The following SORCS2 variants were observed in gnomAD, a reference collection of about 807,000 sequenced individuals.
SORCS2 encodes the protein sortilin related VPS10 domain containing receptor 2, also known as VPS10 domain-containing receptor SorCS2.
Under a neutral mutation model 141.6 loss-of-function variants are expected in SORCS2, and 100 were observed. The ratio of observed to expected loss-of-function variants is 0.71; its 90% CI spans 0.60 to 0.83. The LOEUF (loss-of-function observed/expected upper bound fraction) is 0.83. SORCS2 is among the 40% of genes least tolerant of loss of function. SORCS2 has a pLI of 0.00. For missense variants in SORCS2, 1,646 were observed against 1,560.2 expected (o/e 1.05, Z -0.93); for synonymous variants, 789 against 676.9 (o/e 1.17, Z -2.57).
chr4:7,350,492 C>A (rs768368802), intron 1 of SORCS2, among the ~76,000 whole-genome samples: 1 of 152,232 alleles, frequency 6.6e-6, no homozygotes, highest in African/African-American at 2.4e-5. Context: ...CTAGATGGGA[C>A]ACTCCCAAAG....
At chr4:7,632,914 C>T (rs1490837660) in intron 3 of SORCS2, among the ~76,000 whole-genome samples, 1 of 152,064 alleles carries the variant, frequency 6.6e-6, no homozygotes, top group African/African-American at 2.4e-5. Context: ...AGAGGGCTTC[C>T]TGGAAAAGGT....
chr4:7,433,513 A>T (rs771612044), intron 2 of SORCS2: 6 of 1,606,846 alleles, frequency 3.7e-6, no homozygotes, highest in Admixed American at 3.4e-5. Context: ...GGGGTCCATC[A>T]TGTCCTTGAG....
Position 7,661,487 on chromosome 4 carries a change from T to C in SORCS2, c.888-13T>C. On this transcript the variant is annotated splice_polypyrimidine_tract_variant and intron_variant, in intron 5 of 26. Coordinates refer to ENST00000507866, the MANE Select transcript of SORCS2 (RefSeq NM_020777.3). ...CTCCATTCCCGACCCCAGCCTCAGC[T>C]CTTCTTTTCCAGGTCTGTGTCTGGG... The C allele has an allele frequency of 6.4e-7, 1 of 1,551,380 alleles. No individual in the cohort carries two copies. The highest frequency in any genetic ancestry group is 8.7e-7 in the Non-Finnish European group (1 of 1,146,870).
chr4:7,725,386 C>A (rs907631698), intron 20 of SORCS2, 99 bp downstream of exon 20: 11 of 1,473,092 alleles, frequency 7.5e-6, no homozygotes, highest in Non-Finnish European at 1.0e-5. Context: ...GCAGAAGGAA[C>A]CAGTGTAGGG....
rs1577683285 is a variant in SORCS2, at chr4:7,515,513, G to A, written c.549-16017G>A. On this transcript the variant is annotated intron_variant, in intron 2 of 26. Coordinates refer to ENST00000507866, the MANE Select transcript of SORCS2 (RefSeq NM_020777.3). ...CCAGCGCCTGGCACGAGGGCTCAGCGGGCAGCCGGATGGAGGAGGAGGAGC... is the reference window on the plus strand; with the variant it reads ...CCAGCGCCTGGCACGAGGGCTCAGCAGGCAGCCGGATGGAGGAGGAGGAGC... 3.9e-5 allele frequency among the ~76,000 whole-genome samples: 6 copies of A among 152,300 alleles called. No homozygotes were observed. In the South Asian group the frequency reaches 1.2e-3, roughly 32 times the overall value.
chr4:7,737,926 G>A (rs73204737), intron 26 of SORCS2, among the ~76,000 whole-genome samples: 8,146 of 152,242 alleles, frequency 0.054, 233 homozygotes, highest in Middle Eastern at 0.088. Flanking sequence ...CTGGACCATC[G>A]ACCGGGACAC....
intron 2 of SORCS2, among the ~76,000 whole-genome samples, chr4:7,525,543 C>T (rs1360201592): frequency 6.6e-6 from 1 of 152,066 alleles, no homozygotes; most frequent in Non-Finnish European, 1.5e-5. Context: ...CAGTGTCACT[C>T]CATCTTCCAT....
chr4:7,736,486 C>T (rs1712184755), intron 25 of SORCS2, among the ~76,000 whole-genome samples: 1 of 152,198 alleles, frequency 6.6e-6, no homozygotes, highest in African/African-American at 2.4e-5. Flanking sequence ...GACCCTGACC[C>T]TGGGTTTTGA....
intron 2 of SORCS2, among the ~76,000 whole-genome samples, chr4:7,531,212 C>T (rs1711608609): frequency 2.6e-5 from 4 of 152,216 alleles, no homozygotes; most frequent in Admixed American, 2.6e-4. Context: ...ATGTGGTAAC[C>T]TAGAGCTGCC....
chr4:7,474,632 A>T (rs907082484), intron 2 of SORCS2, among the ~76,000 whole-genome samples: 1 of 152,150 alleles, frequency 6.6e-6, no homozygotes, highest in Admixed American at 6.5e-5. Context: ...GTCACCAAGA[A>T]GGTAGCTGGG....
At chr4:7,248,363 A>G (rs2008111) in intron 1 of SORCS2, among the ~76,000 whole-genome samples, 110,359 of 152,108 alleles carry the variant, frequency 0.73, 40,665 homozygotes, top group East Asian at 0.81. Flanking sequence ...GGATTCAGAC[A>G]TTATAATCAC....
chr4:7,650,231 C>T (rs13134699), intron 4 of SORCS2, among the ~76,000 whole-genome samples: 55,909 of 152,096 alleles, frequency 0.37, 12,046 homozygotes, highest in East Asian at 0.58. Context: ...TCCGTCTGCA[C>T]GAGGTATTGT....
At chr4:7,315,022 AG>A (rs1271217111) in intron 1 of SORCS2, among the ~76,000 whole-genome samples, 1 of 151,932 alleles carries the variant, frequency 6.6e-6, no homozygotes, top group Admixed American at 6.6e-5. Flanking sequence ...TAGTAGAGAC[AG>A]GGTTTCATTA....
chr4:7,610,475 T>C (rs1171160850), intron 3 of SORCS2, among the ~76,000 whole-genome samples: 1 of 152,152 alleles, frequency 6.6e-6, no homozygotes, highest in Non-Finnish European at 1.5e-5. Flanking sequence ...CCCGGGTTCA[T>C]TGCATGGCAC....
intron 2 of SORCS2, among the ~76,000 whole-genome samples, chr4:7,521,179 G>A (rs1733306711): frequency 6.6e-6 from 1 of 152,134 alleles, no homozygotes; most frequent in Admixed American, 6.5e-5. Flanking sequence ...AGAGCATGGT[G>A]GGCAATGATC....
chr4:7,326,238 G>A (rs914243832), intron 1 of SORCS2, among the ~76,000 whole-genome samples: 3 of 152,230 alleles, frequency 2.0e-5, no homozygotes, highest in South Asian at 4.1e-4. Context: ...CTGTCCTGCT[G>A]GCAGGAGGGT....
At chr4:7,326,561 T>C (rs1322854125) in intron 1 of SORCS2, among the ~76,000 whole-genome samples, 1 of 152,102 alleles carries the variant, frequency 6.6e-6, no homozygotes, top group African/African-American at 2.4e-5. Context: ...GAACTGAACA[T>C]TGGGGAATCT....
intron 1 of SORCS2, among the ~76,000 whole-genome samples, chr4:7,204,506 C>T (rs1172012501): frequency 6.6e-6 from 1 of 152,184 alleles, no homozygotes; most frequent in Non-Finnish European, 1.5e-5. Context: ...GCGTGAGCCA[C>T]CATGCCTGGC....
At chr4:7,414,985 G>A (rs1001097874) in intron 2 of SORCS2, among the ~76,000 whole-genome samples, 2 of 152,156 alleles carry the variant, frequency 1.3e-5, no homozygotes, top group African/African-American at 4.8e-5. Flanking sequence ...AGTTTGTCCG[G>A]CTTTCCTAGC....
Sources: gnomAD v4.1 joint callset for allele counts (sites outside exome capture counted in the v4.1 genomes callset) on GRCh38, gnomAD v4.1.1 for gene constraint, MANE v1.5 for transcripts, NCBI Gene and HGNC (gene_info 2026-07-23, HGNC 2026-07-21) for gene names.